Variants in CTBP2 observed in about 807,000 individuals in gnomAD.
CTBP2 encodes the protein C-terminal-binding protein 2.
CTBP2 carries 30 observed loss-of-function variants against 80.3 expected under a neutral mutation model. That is an observed-to-expected ratio of 0.37 (90% confidence interval 0.28 to 0.51). The LOEUF is 0.51. Ranked by LOEUF, CTBP2 falls within the 20% of genes least tolerant of loss-of-function variation. The pLI is 0.93. For synonymous variants in CTBP2, 594 were observed against 587.4 expected (o/e 1.01, Z -0.16); for missense variants, 1,212 against 1,375.3 (o/e 0.88, Z 1.88).
intron 2 of CTBP2, among the ~76,000 whole-genome samples, chr10:125,077,050 G>A (rs781337024): frequency 4.6e-5 from 7 of 152,128 alleles, no homozygotes; most frequent in Non-Finnish European, 8.8e-5. Context: ...GTCCAGATGC[G>A]CCACGCCTCC....
At chr10:125,041,559 G>A (rs189394679) in intron 2 of CTBP2, among the ~76,000 whole-genome samples, 3 of 136,006 alleles carry the variant, frequency 2.2e-5, no homozygotes, top group Admixed American at 8.5e-5. Flanking sequence ...AGGGAGGCTC[G>A]GGCCAGCAAT....
At chr10:124,999,002 T>TG (rs1276383813) in intron 3 of CTBP2, 1 of 152,352 alleles carries the variant, frequency 6.6e-6, no homozygotes, top group African/African-American at 2.4e-5. Flanking sequence ...AGAGGGTGTC[T>TG]GGGGAAGAAT....
chr10:125,047,584 G>A (rs1192221927), intron 2 of CTBP2, among the ~76,000 whole-genome samples: 1 of 152,112 alleles, frequency 6.6e-6, no homozygotes, highest in Non-Finnish European at 1.5e-5. Flanking sequence ...GCAAAGGCAA[G>A]AGCCACCAAG....
intron 1 of CTBP2, among the ~76,000 whole-genome samples, chr10:125,003,862 G>C (rs1303953823): frequency 2.4e-5 from 2 of 84,658 alleles, no homozygotes; most frequent in African/African-American, 1.6e-4. Context: ...CACTATGACA[G>C]GGGATAAGGC....
intron 3 of CTBP2, 148 bp downstream of exon 5, chr10:125,002,812 T>C: frequency 3.2e-6 from 3 of 923,448 alleles, no homozygotes; most frequent in Non-Finnish European, 4.9e-6. Flanking sequence ...CGCAAGGTGC[T>C]CCACAGCCCG....
chr10:125,025,984 G>A, intron 1 of CTBP2: 1 of 1,442,438 alleles, frequency 6.9e-7, no homozygotes, highest in South Asian at 1.4e-5. Flanking sequence ...GTGGCCTGGT[G>A]AGTGAGGACT....
At chr10:125,078,279 CAAAAAA>C (rs1214515506) in intron 2 of CTBP2, among the ~76,000 whole-genome samples, 1 of 80,160 alleles carries the variant, frequency 1.2e-5, no homozygotes, top group Non-Finnish European at 2.6e-5. Flanking sequence ...GACTCCGTCT[CAAAAAA>C]AAAAAAAAAA....
chr10:125,138,038 G>C (rs1238311907), intron 1 of CTBP2: 2 of 152,182 alleles, frequency 1.3e-5, no homozygotes, highest in Non-Finnish European at 2.9e-5. Context: ...CTTCAGAAGC[G>C]GAGCCAGAGA....
At chr10:125,073,941 C>T (rs777029856) in intron 2 of CTBP2, among the ~76,000 whole-genome samples, 1 of 152,184 alleles carries the variant, frequency 6.6e-6, no homozygotes, top group African/African-American at 2.4e-5. Flanking sequence ...GCGTGGAAAC[C>T]GTGAACCCTG....
intron 1 of CTBP2, 71 bp from the exon 2 acceptor site, chr10:125,111,164 C>T (rs1393332931): frequency 6.6e-6 from 1 of 151,848 alleles, no homozygotes; most frequent in Admixed American, 6.6e-5. Context: ...ATCTAGGCAT[C>T]CTTTAATTGC....
chr10:125,011,791 G>A (rs1330991682), intron 1 of CTBP2, among the ~76,000 whole-genome samples: 1 of 152,222 alleles, frequency 6.6e-6, no homozygotes, highest in Non-Finnish European at 1.5e-5. Flanking sequence ...GTTTGTAATG[G>A]AGTTTAAAAT....
chr10:125,090,308 G>T (rs1240545802), intron 2 of CTBP2, among the ~76,000 whole-genome samples: 1 of 107,394 alleles, frequency 9.3e-6, no homozygotes, highest in East Asian at 1.9e-4. Context: ...AAAAAGGTTG[G>T]GGGGATGGGA....
chr10:125,121,171 G>C (rs1016436930), intron 1 of CTBP2, among the ~76,000 whole-genome samples: 3 of 152,336 alleles, frequency 2.0e-5, no homozygotes, highest in African/African-American at 7.2e-5. Flanking sequence ...CTCTCCCTCT[G>C]CTTTCTCTTC....
intron 3 of CTBP2, among the ~76,000 whole-genome samples, chr10:125,035,446 A>T (rs901569946): frequency 1.1e-4 from 17 of 152,132 alleles, no homozygotes; most frequent in Non-Finnish European, 2.5e-4. Context: ...TCCTCGGGGG[A>T]CCATTTTCCA....
At chr10:125,095,760 C>T (rs1024750851) in intron 2 of CTBP2, among the ~76,000 whole-genome samples, 2 of 152,178 alleles carry the variant, frequency 1.3e-5, no homozygotes, top group South Asian at 2.1e-4. Flanking sequence ...CTGGAGCAGA[C>T]GCTGAGCTTT....
chr10:125,000,744 C>T (rs1954353155), intron 3 of CTBP2: 1 of 152,278 alleles, frequency 6.6e-6, no homozygotes, highest in African/African-American at 2.4e-5. Flanking sequence ...GCCTTGTTTT[C>T]TGGGCCTGCG....
At chr10:125,160,892 C>T (rs1345236694), upstream of CTBP2, 1 of 147,754 alleles carries the variant, frequency 6.8e-6, no homozygotes, top group African/African-American at 2.5e-5. Context: ...GAGCGCCTCC[C>T]GGCTATTTGC....
intron 2 of CTBP2, among the ~76,000 whole-genome samples, chr10:125,101,957 A>G (rs994529497): frequency 6.6e-6 from 1 of 152,162 alleles, no homozygotes; most frequent in Non-Finnish European, 1.5e-5. Flanking sequence ...AACAATGCAC[A>G]TTGTACCCAC....
chr10:125,093,020 C>T (rs529536073), intron 2 of CTBP2, among the ~76,000 whole-genome samples: 4 of 152,166 alleles, frequency 2.6e-5, no homozygotes, highest in African/African-American at 4.8e-5. Flanking sequence ...GCACTCAGAA[C>T]GCGCACTCAG....
Sources: gnomAD v4.1 joint callset for allele counts (sites outside exome capture counted in the v4.1 genomes callset) on GRCh38, gnomAD v4.1.1 for gene constraint, MANE v1.5 for transcripts, NCBI Gene and HGNC (gene_info 2026-07-23, HGNC 2026-07-21) for gene names.